UHRF1: variants seen among roughly 807,000 people sequenced by gnomAD.
UHRF1 encodes E3 ubiquitin-protein ligase UHRF1.
In UHRF1, 9 loss-of-function variants were observed where a neutral mutation model predicts 96.5. That is an observed-to-expected ratio of 0.09 (90% CI 0.06 to 0.16). The LOEUF is 0.16. Ranked by LOEUF, UHRF1 falls within the 10% of genes least tolerant of loss-of-function variation. The pLI is 1.00. For synonymous variants in UHRF1, 455 were observed against 469.9 expected (o/e 0.97, Z 0.41); for missense variants, 626 against 1,131.1 (o/e 0.55, Z 6.40).
At chr19:4,929,535 T>C (rs1339518344) in intron 3 of UHRF1, 59 bp downstream of exon 3, 1 of 1,566,036 alleles carries the variant, frequency 6.4e-7, no homozygotes, top group East Asian at 2.3e-5. Flanking sequence ...ATTCTGGTCT[T>C]TGCATACCCA....
chr19:4,945,799 G>A (rs1197345430), intron 9 of UHRF1, 62 bp from the exon 10 acceptor site: 2 of 1,426,922 alleles, frequency 1.4e-6, no homozygotes, highest in East Asian at 4.9e-5. Flanking sequence ...GAGGAGGGCG[G>A]TGGAGCTTCT....
chr19:4,929,362 C>T lies in UHRF1; in HGVS notation c.294C>T (p.Cys98=), dbSNP rs757569709. 4 of 1,613,772 alleles carry T rather than the reference C, an allele frequency of 2.5e-6. No homozygotes were observed. The highest frequency in any genetic ancestry group is 3.4e-6 in the Non-Finnish European group (4 of 1,179,892). ...SELSDTDSGC[C]LGQSESDKSS... ...TCTCCGACACCGACTCCGGCTGCTG[C>T]CTGGGCCAGAGTGAGTCAGACAAGT... The change falls in exon 3 of 17, where the codon TGC becomes TGT. Residue 98 remains cysteine, a synonymous_variant. Coordinates refer to ENST00000650932, the MANE Select transcript of UHRF1 (RefSeq NM_001048201.3).
In UHRF1 at chr19:4,954,318, C is replaced by G. The variant is rs1487320290; in HGVS notation, c.1819-32C>G. ...TCTGCATAGCGTGTGGGCCCCAAGC[C>G]TGACTCACGGCTGTCCCTCTTCCTC... On this transcript the variant is annotated intron_variant, in intron 13 of 16. Transcript: ENST00000650932. The surrounding 1 kb of genome is among the most constrained non-coding windows in gnomAD (Gnocchi z 5.9). The G allele has an allele frequency of 7.5e-6, 12 of 1,606,008 alleles. No homozygotes were observed. The South Asian group carries it at 1.1e-4, about 15-fold the overall frequency.
At chr19:4,913,110 T>C in intron 2 of UHRF1, among the ~76,000 whole-genome samples, 1 of 152,126 alleles carries the variant, frequency 6.6e-6, no homozygotes, top group Non-Finnish European at 1.5e-5. Flanking sequence ...TTTTGACAAA[T>C]GTCTACATCC....
chr19:4,932,672 G>T (rs2033089797), intron 4 of UHRF1, 69 bp from the exon 5 acceptor site: 1 of 1,563,154 alleles, frequency 6.4e-7, no homozygotes, highest in Non-Finnish European at 8.8e-7. Context: ...TCCCACCTCG[G>T]CTCGTTTCCC....
chr19:4,950,388 C>T (rs1177706758), intron 11 of UHRF1, among the ~76,000 whole-genome samples: 1 of 151,738 alleles, frequency 6.6e-6, no homozygotes, highest in African/African-American at 2.4e-5. Context: ...GAATTACAGG[C>T]ACGCGCCACC....
intron 11 of UHRF1, 111 bp downstream of exon 11, chr19:4,947,322 A>C: frequency 2.0e-6 from 2 of 993,404 alleles, no homozygotes; most frequent in South Asian, 2.8e-5. Flanking sequence ...GCGTGGTAGA[A>C]CATAGCGAAG....
chr19:4,944,379 A>G lies in UHRF1; in HGVS notation c.1234A>G (p.Ile412Val). 6.2e-7 allele frequency: 1 copy of G among 1,613,994 alleles called. No individual in the cohort carries two copies. Among genetic ancestry groups the G allele is most frequent in the Non-Finnish European group, 8.5e-7 (1 of 1,179,874 alleles). ...ACVGRTKECT[I>V]VPSNHYGPIP... ...TGTGGGCCGCACCAAGGAATGTACCATCGTCCCGTCCAACCACTACGGACC... is the reference window on the plus strand; with the variant it reads ...TGTGGGCCGCACCAAGGAATGTACCGTCGTCCCGTCCAACCACTACGGACC... Residue 412 changes from isoleucine to valine, a missense_variant, in exon 9 of 17, where the codon ATC (isoleucine) becomes GTC (valine). Physicochemically the swap from Ile to Val is conservative, Grantham distance 29 (BLOSUM62 3). Coordinates refer to ENST00000650932, the MANE Select transcript of UHRF1 (RefSeq NM_001048201.3).
At chr19:4,925,514 ATATTT>A (rs1365783845) in intron 2 of UHRF1, among the ~76,000 whole-genome samples, 1 of 151,832 alleles carries the variant, frequency 6.6e-6, no homozygotes, top group African/African-American at 2.4e-5. Flanking sequence ...ATTTTGCCTT[ATATTT>A]TATTTATTTT....
At chr19:4,937,822 G>A (rs767359051) in intron 5 of UHRF1, among the ~76,000 whole-genome samples, 5 of 152,074 alleles carry the variant, frequency 3.3e-5, no homozygotes, top group Non-Finnish European at 5.9e-5. Flanking sequence ...TAAAATTTAC[G>A]TTAATTCTTC....
rs2033815024 is a variant in UHRF1, at chr19:4,954,848, C to G, written c.2130+26C>G. 1 of 1,609,778 alleles carries G rather than the reference C, an allele frequency of 6.2e-7. No individual in the cohort carries two copies. Among genetic ancestry groups the G allele is most frequent in the Admixed American group, 1.7e-5 (1 of 59,038 alleles). ...GTAGGCTCGCACGGCTCACTCGTCGCCCTGATTTGCGTTGACTGCGGTAAA... is the reference window on the plus strand; with the variant it reads ...GTAGGCTCGCACGGCTCACTCGTCGGCCTGATTTGCGTTGACTGCGGTAAA... On this transcript the variant is annotated intron_variant, in intron 15 of 16. Transcript: ENST00000650932. The surrounding 1 kb of genome is among the most constrained non-coding windows in gnomAD (Gnocchi z 5.9).
In UHRF1 at chr19:4,954,942, T is replaced by A. The variant is rs1331908915; in HGVS notation, c.2130+120T>A. ...AGCTCAGTCGCACTGAGTACATTCT[T>A]GTGGTTGTGCAACCATCACCACCAT... On this transcript the variant is annotated intron_variant, in intron 15 of 16. Transcript: ENST00000650932. This position sits in a 1 kb window ranked among gnomAD's most constrained non-coding sequence, Gnocchi z 5.9. 7.8e-7 allele frequency: 1 copy of A among 1,287,552 alleles called. No homozygotes were observed. The highest frequency in any genetic ancestry group is 1.1e-6 in the Non-Finnish European group (1 of 922,766). 79.8% of individuals were successfully genotyped at this position (1,287,552 alleles called of 1,614,324 possible).
At chr19:4,916,181 C>T (rs2032492253) in intron 2 of UHRF1, among the ~76,000 whole-genome samples, 1 of 152,014 alleles carries the variant, frequency 6.6e-6, no homozygotes, top group African/African-American at 2.4e-5. Context: ...TGGCGCATGC[C>T]TGTAGTCCTA....
At chr19:4,909,008 T>C (rs1368765611), upstream of UHRF1, among the ~76,000 whole-genome samples, 1 of 151,714 alleles carries the variant, frequency 6.6e-6, no homozygotes, top group Non-Finnish European at 1.5e-5. Flanking sequence ...TGCGGGTGGG[T>C]AGAGTGGGGA....
At chr19:4,947,592 C>CT (rs1282859427) in intron 11 of UHRF1, among the ~76,000 whole-genome samples, 1 of 145,076 alleles carries the variant, frequency 6.9e-6, no homozygotes, top group Non-Finnish European at 1.5e-5. Flanking sequence ...CCTCTGCCTC[C>CT]TGGGCTCAAG....
chr19:4,954,063 C>A lies in UHRF1; in HGVS notation c.1819-287C>A, dbSNP rs886518780. On this transcript the variant is annotated intron_variant, in intron 13 of 16. Transcript: ENST00000650932. The surrounding 1 kb of genome is among the most constrained non-coding windows in gnomAD (Gnocchi z 5.9). Reference sequence around the variant, plus strand: ...GTGGCTGTAAAGGGGGAGGAAGGGGCCCCGAGCCGAGGGATGCAGCGCCTC... The same window carrying A: ...GTGGCTGTAAAGGGGGAGGAAGGGGACCCGAGCCGAGGGATGCAGCGCCTC... 6.6e-6 allele frequency among the ~76,000 whole-genome samples: 1 copy of A among 152,122 alleles called. No homozygotes were observed. The highest frequency in any genetic ancestry group is 2.1e-4 in the South Asian group (1 of 4,830).
In UHRF1 at chr19:4,961,936, A is replaced by G. The variant is rs1222000807; in HGVS notation, c.*1133A>G. 3 of 151,364 alleles carry G rather than the reference A, an allele frequency of 2.0e-5. No homozygotes were observed. The highest frequency in any genetic ancestry group is 4.4e-5 in the Non-Finnish European group (3 of 67,802). The allele number at this position is 151,364 out of a possible 1,614,324, so 9.4% of individuals were successfully genotyped here. A position where few individuals can be genotyped will look rare whatever the true frequency, so the allele number is the denominator to read the frequency against. Reference sequence around the variant, plus strand: ...TTTGTTAATTTTTCTAATTTTACCAAAGTTTGCAGCCTATACCTCAATAAA... The same window carrying G: ...TTTGTTAATTTTTCTAATTTTACCAGAGTTTGCAGCCTATACCTCAATAAA... On this transcript the variant is annotated 3_prime_UTR_variant, in exon 17 of 17. Coordinates refer to ENST00000650932, the MANE Select transcript of UHRF1 (RefSeq NM_001048201.3).
upstream of UHRF1, among the ~76,000 whole-genome samples, chr19:4,907,837 C>T (rs989788764): frequency 3.3e-5 from 5 of 151,200 alleles, no homozygotes; most frequent in East Asian, 1.9e-4. Context: ...CTCAGCCTCC[C>T]GAGTAGCTGG....
chr19:4,952,915 C>A (rs2033757108), intron 13 of UHRF1, among the ~76,000 whole-genome samples: 1 of 152,210 alleles, frequency 6.6e-6, no homozygotes, highest in South Asian at 2.1e-4. Context: ...GGGAAACAGT[C>A]ATGCTCATTC....
Sources: allele counts gnomAD v4.1 joint callset (sites outside exome capture counted in the v4.1 genomes callset), GRCh38; gene constraint gnomAD v4.1.1; non-coding constraint Gnocchi (gnomAD v3.1); transcripts MANE v1.5; gene names NCBI Gene and HGNC (gene_info 2026-07-23, HGNC 2026-07-21).